The following TEKTIP1 variants were observed in gnomAD, a reference collection of about 807,000 sequenced individuals.
TEKTIP1 encodes tektin bundle-interacting protein 1.
chr19:3,539,884 C>T, the TEKTIP1 span: 1 of 152,194 alleles, frequency 6.6e-6, no homozygotes, highest in African/African-American at 2.4e-5. Context: ...ATTGTTTAAA[C>T]AATTATGGAA....
chr19:3,540,089 CTTTTTTTTTTTT>C, the TEKTIP1 span: 4 of 88,190 alleles, frequency 4.5e-5, no homozygotes, highest in Non-Finnish European at 8.9e-5. Flanking sequence ...CATCTCTTTT[CTTTTTTTTTTTT>C]TTTTTTTTTT....
chr19:3,543,575 G>T, the TEKTIP1 span: 3 of 1,542,352 alleles, frequency 1.9e-6, no homozygotes, highest in Non-Finnish European at 2.6e-6. Context: ...GCACCTGCGG[G>T]AGACCGCCTG....
chr19:3,543,830 G>A, the TEKTIP1 span: 3 of 1,529,410 alleles, frequency 2.0e-6, no homozygotes, highest in Non-Finnish European at 2.6e-6. Context: ...CACCTACAGT[G>A]CTCAACAGGA....
At chr19:3,543,720 G>A in the TEKTIP1 span, 1 of 1,498,778 alleles carries the variant, frequency 6.7e-7, no homozygotes, top group Non-Finnish European at 8.9e-7. Flanking sequence ...GAGGCCAGGG[G>A]GACAAGGCCA....
At chr19:3,543,412 C>G in the TEKTIP1 span, 6 of 1,548,172 alleles carry the variant, frequency 3.9e-6, no homozygotes, top group Non-Finnish European at 5.2e-6. Context: ...CCAGCCCCTT[C>G]CGCGAGGCCT....
At chr19:3,540,492 A>AAG in the TEKTIP1 span, among the ~76,000 whole-genome samples, 1 of 151,030 alleles carries the variant, frequency 6.6e-6, no homozygotes, top group Non-Finnish European at 1.5e-5. Context: ...TCCTGACCTC[A>AAG]TGATCTGCCC....
At chr19:3,539,528 C>A in the TEKTIP1 span, 1 of 490,330 alleles carries the variant, frequency 2.0e-6, no homozygotes, top group Non-Finnish European at 3.7e-6. Context: ...GCTTCGGCCA[C>A]AGAAATGTTC....
At chr19:3,539,302 T>G in the TEKTIP1 span, 1 of 757,048 alleles carries the variant, frequency 1.3e-6, no homozygotes, top group Non-Finnish European at 1.7e-6. Context: ...AGCCCCTCCC[T>G]CCCTCCCTCC....
At chr19:3,543,392 C>A in the TEKTIP1 span, 2 of 1,548,854 alleles carry the variant, frequency 1.3e-6, no homozygotes, top group Non-Finnish European at 1.7e-6. Context: ...CAACCTGCCA[C>A]GGGCCCCGGC....
At chr19:3,541,797 A>G in the TEKTIP1 span, 3 of 984,770 alleles carry the variant, frequency 3.0e-6, no homozygotes, top group Non-Finnish European at 3.6e-6. Flanking sequence ...TTTCTCATTG[A>G]ATATTATTCT....
At chr19:3,539,361 C>G in the TEKTIP1 span, 1 of 703,680 alleles carries the variant, frequency 1.4e-6, no homozygotes, top group Non-Finnish European at 2.5e-6. Context: ...GCACGTGTCA[C>G]TCGTTATTCC....
the TEKTIP1 span, chr19:3,543,155 C>T: frequency 6.6e-7 from 1 of 1,514,430 alleles, no homozygotes; most frequent in Non-Finnish European, 8.8e-7. Context: ...TCTACATCAT[C>T]CACCCTGGCA....
the TEKTIP1 span, chr19:3,543,988 C>T: frequency 6.5e-6 from 10 of 1,545,648 alleles, no homozygotes; most frequent in African/African-American, 1.1e-4. Flanking sequence ...TCCCCGCCTT[C>T]CCTCACACCC....
At chr19:3,542,452 A>C in the TEKTIP1 span, 5 of 985,324 alleles carry the variant, frequency 5.1e-6, no homozygotes, top group South Asian at 1.9e-4. Flanking sequence ...AGCAAGGTCA[A>C]AGCATAAAAC....
the TEKTIP1 span, chr19:3,542,887 GT>G: frequency 1.4e-6 from 2 of 1,405,140 alleles, no homozygotes; most frequent in Non-Finnish European, 1.9e-6. Context: ...GAAGGGACTT[GT>G]GGGTCTTGGA....
At chr19:3,541,290 C>T in the TEKTIP1 span, among the ~76,000 whole-genome samples, 2 of 151,664 alleles carry the variant, frequency 1.3e-5, no homozygotes, top group Admixed American at 6.6e-5. Context: ...GAGCCGAAAT[C>T]GTGCCACTGC....
the TEKTIP1 span, chr19:3,543,631 G>C: frequency 7.1e-6 from 11 of 1,544,360 alleles, no homozygotes; most frequent in South Asian, 7.2e-5. Flanking sequence ...CCAGCACCCG[G>C]TGGGGGAGCG....
the TEKTIP1 span, chr19:3,543,959 C>A: frequency 1.3e-6 from 2 of 1,550,580 alleles, no homozygotes; most frequent in Non-Finnish European, 1.7e-6. Flanking sequence ...AACCATACTG[C>A]CCCTCCACCT....
chr19:3,542,186 G>T, the TEKTIP1 span: 19 of 985,272 alleles, frequency 1.9e-5, no homozygotes, highest in Non-Finnish European at 2.2e-5. Flanking sequence ...AGGTTCTCCT[G>T]ATCTTGAAAT....
Sources: allele counts gnomAD v4.1 joint callset (sites outside exome capture counted in the v4.1 genomes callset), GRCh38; gene constraint gnomAD v4.1.1; transcripts MANE v1.5; gene names NCBI Gene and HGNC (gene_info 2026-07-23, HGNC 2026-07-21).